The following RAB3IL1 variants were observed in gnomAD, a reference collection of about 807,000 sequenced individuals.
The protein encoded by RAB3IL1 is guanine nucleotide exchange factor for Rab-3A.
In RAB3IL1, 37 loss-of-function variants were observed where a neutral mutation model predicts 49.2. That is an observed-to-expected ratio of 0.75 (90% CI 0.58 to 0.99). The LOEUF is 0.99. RAB3IL1 is among the 50% of genes least tolerant of loss of function. The probability of loss-of-function intolerance (pLI) is 0.00; values close to 1 mark genes in which losing one functional copy is unlikely to be tolerated. For missense variants in RAB3IL1, 484 were observed against 513.0 expected, an observed-to-expected ratio of 0.94 and a Z score of 0.55; for synonymous variants, 193 against 213.9, an observed-to-expected ratio of 0.90 and a Z score of 0.85.
upstream of RAB3IL1, chr11:61,919,962 G>C: frequency 1.0e-6 from 1 of 1,001,914 alleles, no homozygotes. Context: ...AGGACTCTCT[G>C]AGCCCAGCTT....
chr11:61,901,828 G>A (rs985495547), intron 8 of RAB3IL1, among the ~76,000 whole-genome samples: 4 of 152,228 alleles, frequency 2.6e-5, no homozygotes, highest in Admixed American at 1.3e-4. Context: ...AGCTTACTGC[G>A]ACCTTGCAAG....
the RAB3IL1 span, among the ~76,000 whole-genome samples, chr11:61,941,857 T>C: frequency 1.3e-5 from 2 of 152,324 alleles, no homozygotes; most frequent in East Asian, 3.9e-4. Flanking sequence ...AAAAAGATTA[T>C]ACATCGTGTC....
At chr11:61,917,571 C>A, upstream of RAB3IL1, 4 of 1,085,734 alleles carry the variant, frequency 3.7e-6, no homozygotes, top group Non-Finnish European at 4.5e-6. Flanking sequence ...GGTCACGTGG[C>A]GGAGGGGGGA....
upstream of RAB3IL1, among the ~76,000 whole-genome samples, chr11:61,920,812 A>G (rs988955630): frequency 2.6e-5 from 4 of 152,110 alleles, no homozygotes; most frequent in African/African-American, 9.7e-5. Flanking sequence ...AATCTCAGCT[A>G]CTCGGGAGCC....
At chr11:61,918,560 T>C (rs1253383742), upstream of RAB3IL1, among the ~76,000 whole-genome samples, 1 of 152,254 alleles carries the variant, frequency 6.6e-6, no homozygotes, top group Non-Finnish European at 1.5e-5. Context: ...CTATGGGGCA[T>C]GCAAGGGGCT....
chr11:61,913,687 G>C (rs953987509), intron 1 of RAB3IL1, among the ~76,000 whole-genome samples: 3 of 152,144 alleles, frequency 2.0e-5, no homozygotes, highest in African/African-American at 7.2e-5. Flanking sequence ...TTCAGTCCAA[G>C]AATTGACACC....
upstream of RAB3IL1, among the ~76,000 whole-genome samples, chr11:61,921,615 CTGT>C (rs1939909207): frequency 1.3e-5 from 2 of 152,182 alleles, no homozygotes; most frequent in Non-Finnish European, 2.9e-5. Flanking sequence ...CCCCCTGGAA[CTGT>C]TGGACACTCC....
chr11:61,937,496 C>T, the RAB3IL1 span, among the ~76,000 whole-genome samples: 5 of 151,950 alleles, frequency 3.3e-5, no homozygotes, highest in African/African-American at 7.2e-5. Flanking sequence ...TGGCTAGATA[C>T]GGGGTCTTTC....
At chr11:61,901,534 A>G (rs1938915288) in intron 8 of RAB3IL1, among the ~76,000 whole-genome samples, 1 of 152,218 alleles carries the variant, frequency 6.6e-6, no homozygotes, top group African/African-American at 2.4e-5. Flanking sequence ...GTGACATTGA[A>G]TGACAGAGGG....
chr11:61,906,130 T>C lies in RAB3IL1; in HGVS notation c.657+336A>G, dbSNP rs1354511533. 6.6e-6 allele frequency among the ~76,000 whole-genome samples: 1 copy of C among 151,888 alleles called. No homozygotes were observed. Among genetic ancestry groups the C allele is most frequent in the African/African-American group, 2.4e-5 (1 of 41,354 alleles). On this transcript the variant is annotated intron_variant, in intron 5 of 9. Transcript: ENST00000394836. This position sits in a 1 kb window ranked among gnomAD's most constrained non-coding sequence, Gnocchi z 4.6. ...GCCCAGTGGCTGCTGCTTGGCCTCTTAAGGCCAAGGAAGTGTGTGTCTCAG... is the reference window on the plus strand; with the variant it reads ...GCCCAGTGGCTGCTGCTTGGCCTCTCAAGGCCAAGGAAGTGTGTGTCTCAG...
chr11:61,917,274 G>A (rs2134363554), intron 1 of RAB3IL1, 83 bp downstream of exon 1: 2 of 1,341,076 alleles, frequency 1.5e-6, no homozygotes, highest in Non-Finnish European at 1.9e-6. Flanking sequence ...CGCAGACCCG[G>A]CGGGGACCCC....
At chr11:61,905,034 T>C (rs1939116856) in intron 5 of RAB3IL1, 152 bp from the exon 6 acceptor site, 1 of 631,266 alleles carries the variant, frequency 1.6e-6, no homozygotes, top group Non-Finnish European at 2.8e-6. Context: ...GGAAGCCAAG[T>C]CCAGCAGCAG....
chr11:61,922,385 G>A (rs1039750158), upstream of RAB3IL1, among the ~76,000 whole-genome samples: 1 of 152,016 alleles, frequency 6.6e-6, no homozygotes, highest in Non-Finnish European at 1.5e-5. Flanking sequence ...AGCCGGGGGT[G>A]GTGGCGCATG....
the RAB3IL1 span, among the ~76,000 whole-genome samples, chr11:61,932,263 A>G: frequency 6.6e-6 from 1 of 152,002 alleles, no homozygotes; most frequent in Non-Finnish European, 1.5e-5. Flanking sequence ...AAAAAAAAAG[A>G]AAAGAAAATG....
Position 61,908,259 on chromosome 11 carries a change from G to T in RAB3IL1, c.59C>A (p.Pro20Gln). ...GGGGTCCGTGCTCTTCCAGGGGACC[G>T]GGACAGCTGCAAGGGGCGGCGGGAG... ...QGLPPPLAAV[P>Q]VPWKSTDPCQ... The change falls in exon 2 of 10, where the codon CCG (proline) becomes CAG (glutamine). Residue 20 changes from proline (P) to glutamine (Q), a missense_variant. Physicochemically the swap from Pro to Gln is moderately conservative, Grantham distance 76 (BLOSUM62 -1). Transcript: ENST00000394836. 1 of 1,518,790 alleles carries T rather than the reference G, an allele frequency of 6.6e-7. No individual in the cohort carries two copies. Among genetic ancestry groups the T allele is most frequent in the East Asian group, 2.4e-5 (1 of 42,304 alleles). The allele number at this position is 1,518,790 out of a possible 1,614,324, so 94.1% of individuals were successfully genotyped here.
chr11:61,941,500 C>A, the RAB3IL1 span, among the ~76,000 whole-genome samples: 2 of 152,196 alleles, frequency 1.3e-5, no homozygotes, highest in Non-Finnish European at 2.9e-5. Flanking sequence ...CGCCTGTAAT[C>A]CCAGCAATTT....
Position 61,902,460 on chromosome 11 carries a change from C to T in RAB3IL1, c.981G>A (p.Ser327=), listed in dbSNP as rs376882014. The change falls in exon 8 of 10, where the codon TCG becomes TCA. Residue 327 remains serine, a synonymous_variant. Coordinates refer to ENST00000394836, the MANE Select transcript of RAB3IL1 (RefSeq NM_013401.4). The stretch of plus-strand genomic sequence containing the variant: ...GACTCACCCTGGCCCGGGAAGATGG[C>T]GAGATGTAGTAATGGCTTTTGGAGT... The part of the protein sequence containing the change: ...LGDSKSHYYI[S]PSSRARITAV... 24 of 1,596,704 alleles carry T rather than the reference C, an allele frequency of 1.5e-5. No homozygotes were observed. Among genetic ancestry groups the T allele is most frequent in the East Asian group, 2.3e-5 (1 of 44,190 alleles).
chr11:61,903,062 C>G (rs369885542), intron 7 of RAB3IL1, among the ~76,000 whole-genome samples: 2 of 152,132 alleles, frequency 1.3e-5, no homozygotes, highest in Middle Eastern at 3.2e-3. Flanking sequence ...TCTCCTCCCC[C>G]CAGTCCTGCA....
intron 1 of RAB3IL1, among the ~76,000 whole-genome samples, chr11:61,912,280 G>C (rs1939486767): frequency 6.6e-6 from 1 of 152,240 alleles, no homozygotes; most frequent in African/African-American, 2.4e-5. Context: ...TGGCACAGGG[G>C]CCTGTTCAGA....
Sources: gnomAD v4.1 joint callset for allele counts (sites outside exome capture counted in the v4.1 genomes callset) on GRCh38, gnomAD v4.1.1 for gene constraint, Gnocchi (gnomAD v3.1) non-coding constraint, MANE v1.5 for transcripts, NCBI Gene and HGNC (gene_info 2026-07-23, HGNC 2026-07-21) for gene names.